Variants in CPNE5 observed in about 807,000 individuals in gnomAD.
CPNE5 encodes copine 5.
A neutral mutation model predicts 81.1 loss-of-function variants in CPNE5; 42 were observed. That is an observed-to-expected ratio of 0.52 (90% CI 0.40 to 0.67). CPNE5 has a LOEUF of 0.67. CPNE5 is among the 30% of genes least tolerant of loss of function. The probability of loss-of-function intolerance (pLI) is 0.00; values close to 1 mark genes in which losing one functional copy is unlikely to be tolerated. For synonymous variants in CPNE5, 313 were observed against 321.5 expected (o/e 0.97, Z 0.28); for missense variants, 612 against 815.5 (o/e 0.75, Z 3.04).
In CPNE5 at chr6:36,823,118, G is replaced by A. The variant is rs1554128074; in HGVS notation, c.96-20C>T. On this transcript the variant is annotated intron_variant, in intron 1 of 20. Coordinates refer to ENST00000244751, the MANE Select transcript of CPNE5 (RefSeq NM_020939.2). ...AGGTTCCTGAAAGAGGGGGAGAGAG[G>A]AGGGGTTAGCACGGCCAGCTGAGAG... 3.2e-6 allele frequency: 5 copies of A among 1,552,802 alleles called. No homozygotes were observed. The highest frequency in any genetic ancestry group is 1.8e-5 in the Admixed American group (1 of 54,638).
intron 3 of CPNE5, among the ~76,000 whole-genome samples, chr6:36,816,846 T>A (rs1288026149): frequency 6.6e-6 from 1 of 152,202 alleles, no homozygotes; most frequent in African/African-American, 2.4e-5. Context: ...TGGCACAATC[T>A]AGGATCACTG....
At chr6:36,751,978 G>A (rs1764890079) in intron 14 of CPNE5, among the ~76,000 whole-genome samples, 2 of 152,032 alleles carry the variant, frequency 1.3e-5, no homozygotes, top group South Asian at 4.1e-4. Flanking sequence ...CAGAGGAGGG[G>A]CAGGTAAGAG....
In CPNE5 at chr6:36,742,016, T is replaced by C; in HGVS notation, c.*252A>G. The C allele has an allele frequency of 4.2e-6, 2 of 480,414 alleles. No homozygotes were observed. Among genetic ancestry groups the C allele is most frequent in the East Asian group, 3.2e-5 (1 of 30,828 alleles). The allele number at this position is 480,414 out of a possible 1,614,324, so 29.8% of individuals were successfully genotyped here. On this transcript the variant is annotated 3_prime_UTR_variant, in exon 21 of 21. Coordinates refer to ENST00000244751, the MANE Select transcript of CPNE5 (RefSeq NM_020939.2). The stretch of plus-strand genomic sequence containing the variant: ...TTCCTGGCTGGGTTAGAGCCAGGTA[T>C]TGGGGAAGAAGAGAAGGGCTGGGTC...
At chr6:36,814,799 C>CAAT (rs1427605012) in intron 3 of CPNE5, among the ~76,000 whole-genome samples, 1 of 151,914 alleles carries the variant, frequency 6.6e-6, no homozygotes, top group African/African-American at 2.4e-5. Flanking sequence ...CAAATGGGGC[C>CAAT]AATAATAATA....
At chr6:36,801,650 G>A (rs1040026719) in intron 3 of CPNE5, among the ~76,000 whole-genome samples, 2 of 152,174 alleles carry the variant, frequency 1.3e-5, no homozygotes, top group African/African-American at 2.4e-5. Context: ...ATCCTGTCAT[G>A]TGCTACAACA....
intron 12 of CPNE5, among the ~76,000 whole-genome samples, chr6:36,761,185 G>A (rs405130): frequency 0.071 from 10,840 of 152,260 alleles, 450 homozygotes; most frequent in Middle Eastern, 0.19. Context: ...GCCAGAGAAT[G>A]GTGGCATCTG....
rs1215439203 is a variant in CPNE5 at position 36,823,037 on chromosome 6, T to TA, written c.136+20dup. 3 of 1,556,316 alleles carry TA rather than the reference T, an allele frequency of 1.9e-6. No individual in the cohort carries two copies. In the African/African-American group the frequency reaches 4.1e-5, roughly 21 times the overall value. ...GCGTTGCCGCTATTGTTACCGTTCT[T>TA]ATTGTCAGAGCAGGACTTACGTGGG... On this transcript the variant is annotated intron_variant, in intron 2 of 20. Coordinates refer to ENST00000244751, the MANE Select transcript of CPNE5 (RefSeq NM_020939.2).
chr6:36,744,204 TG>T, intron 19 of CPNE5, 63 bp downstream of exon 19: 1 of 1,304,108 alleles, frequency 7.7e-7, no homozygotes, highest in Non-Finnish European at 1.1e-6. Flanking sequence ...GGGAAACATC[TG>T]GGGTGGGGGC....
Position 36,798,490 on chromosome 6 carries a change from C to G in CPNE5, c.292G>C (p.Asp98His). Residue 98 changes from aspartate (D) to histidine (H), a missense_variant, in exon 5 of 21, where the codon GAC becomes CAC. Transcript: ENST00000244751. ...AAATCAGGACTCTTAGAGTCAACGT[C>G]GTATCTGCAGGGAACACAGAGAAAC... is the stretch of plus-strand genomic sequence containing the variant. ...EKQNLRFDLY[D>H]VDSKSPDLSK... 6.2e-7 allele frequency: 1 copy of G among 1,614,020 alleles called. No homozygotes were observed. The highest frequency in any genetic ancestry group is 8.5e-7 in the Non-Finnish European group (1 of 1,179,906).
chr6:36,797,327 C>T (rs1769679961), intron 6 of CPNE5, among the ~76,000 whole-genome samples: 1 of 152,270 alleles, frequency 6.6e-6, no homozygotes, highest in Non-Finnish European at 1.5e-5. Context: ...CCAGTCTGCC[C>T]TCTCTTTCCT....
intron 3 of CPNE5, among the ~76,000 whole-genome samples, chr6:36,817,293 C>G (rs544014778): frequency 6.6e-6 from 1 of 152,092 alleles, no homozygotes; most frequent in East Asian, 1.9e-4. Context: ...CCATTGCACT[C>G]CAGCCCGGGC....
intron 3 of CPNE5, among the ~76,000 whole-genome samples, chr6:36,821,088 C>T (rs1370791316): frequency 6.6e-6 from 1 of 151,860 alleles, no homozygotes; most frequent in Non-Finnish European, 1.5e-5. Flanking sequence ...CACAGGGTGA[C>T]ATCTGAGTTA....
intron 3 of CPNE5, among the ~76,000 whole-genome samples, chr6:36,818,561 C>T (rs1380298456): frequency 1.3e-5 from 2 of 152,186 alleles, no homozygotes; most frequent in Non-Finnish European, 2.9e-5. Flanking sequence ...GACCATGCAC[C>T]AAGGCACTTT....
intron 1 of CPNE5, among the ~76,000 whole-genome samples, chr6:36,837,795 C>T (rs777141181): frequency 1.3e-5 from 2 of 152,024 alleles, no homozygotes; most frequent in Non-Finnish European, 2.9e-5. Context: ...CCCAAGACAA[C>T]TGAAGATGAC....
chr6:36,835,334 C>G (rs371605285), intron 1 of CPNE5, among the ~76,000 whole-genome samples: 1 of 152,186 alleles, frequency 6.6e-6, no homozygotes, highest in Non-Finnish European at 1.5e-5. Flanking sequence ...TTGATTGACT[C>G]GGCAGGATGG....
chr6:36,760,521 G>T (rs6924574), intron 12 of CPNE5, among the ~76,000 whole-genome samples: 1 of 152,194 alleles, frequency 6.6e-6, no homozygotes, highest in Non-Finnish European at 1.5e-5. Context: ...CATAAGGGGG[G>T]AGATGATGAA....
At chr6:36,752,930 C>G in intron 14 of CPNE5, 104 bp downstream of exon 14, 1 of 904,592 alleles carries the variant, frequency 1.1e-6, no homozygotes, top group Non-Finnish European at 1.8e-6. Context: ...AGCCTTCAAC[C>G]AGGGCTTTGA....
At chr6:36,769,537 C>G (rs945954196) in intron 10 of CPNE5, among the ~76,000 whole-genome samples, 1 of 152,226 alleles carries the variant, frequency 6.6e-6, no homozygotes, top group African/African-American at 2.4e-5. Flanking sequence ...GGTTTCCCTG[C>G]GGCTTACAAG....
intron 10 of CPNE5, among the ~76,000 whole-genome samples, chr6:36,768,677 C>T (rs1401543325): frequency 1.3e-5 from 2 of 152,108 alleles, no homozygotes; most frequent in African/African-American, 4.8e-5. Flanking sequence ...CTTCTGGGGC[C>T]GGCACCCAAG....
Sources: gnomAD v4.1 joint callset for allele counts (sites outside exome capture counted in the v4.1 genomes callset) on GRCh38, gnomAD v4.1.1 for gene constraint, MANE v1.5 for transcripts, NCBI Gene and HGNC (gene_info 2026-07-23, HGNC 2026-07-21) for gene names.